CPS1: variants seen among roughly 807,000 people sequenced by gnomAD.
The protein encoded by CPS1 is carbamoyl-phosphate synthase 1.
In CPS1, 109 loss-of-function variants were observed where a neutral mutation model predicts 174.6. The ratio of observed to expected loss-of-function variants is 0.62; its 90% CI spans 0.53 to 0.73. The LOEUF (loss-of-function observed/expected upper bound fraction) is 0.73. CPS1 is among the 30% of genes least tolerant of loss of function. CPS1 has a pLI of 0.00. For missense variants in CPS1, 1,689 were observed against 1,821.9 expected (o/e 0.93, Z 1.33); for synonymous variants, 637 against 632.0 (o/e 1.01, Z -0.12).
At chr2:210,635,042 C>G (rs1700002154) in intron 21 of CPS1, among the ~76,000 whole-genome samples, 1 of 152,146 alleles carries the variant, frequency 6.6e-6, no homozygotes. Flanking sequence ...CTCCTGGGTT[C>G]AAGTGATTCT....
chr2:210,650,537 A>G (rs1700529118), intron 28 of CPS1, 99 bp downstream of exon 28: 1 of 903,688 alleles, frequency 1.1e-6, no homozygotes, highest in Admixed American at 1.8e-5. Flanking sequence ...TCTTAATGCA[A>G]CCTTACTTTG....
chr2:210,540,169 A>G (rs1285351397), intron 1 of CPS1, among the ~76,000 whole-genome samples: 1 of 152,190 alleles, frequency 6.6e-6, no homozygotes, highest in Admixed American at 6.5e-5. Context: ...CTCCCTGATT[A>G]AATCTACTTG....
At chr2:210,676,598 C>T (rs1039579318) in intron 36 of CPS1, among the ~76,000 whole-genome samples, 14 of 152,068 alleles carry the variant, frequency 9.2e-5, no homozygotes, top group African/African-American at 2.9e-4. Context: ...GTAATAGCTC[C>T]GTGTTTGGGG....
intron 1 of CPS1, among the ~76,000 whole-genome samples, chr2:210,520,270 ATAGT>A (rs1162499555): frequency 6.6e-6 from 1 of 152,030 alleles, no homozygotes; most frequent in Non-Finnish European, 1.5e-5. Flanking sequence ...CAGAGTCAAG[ATAGT>A]TAATCTAGCC....
At position 210,608,540 on chromosome 2, in the gene CPS1, C is replaced by T. The variant is rs769851346; in HGVS notation, c.2372C>T (p.Ser791Phe). The change falls in exon 19 of 38, where the codon TCT becomes TTT. Residue 791 changes from serine to phenylalanine, a missense_variant. Physicochemically the swap from Ser to Phe is radical, Grantham distance 155. Transcript: ENST00000233072. ...GGAACATCTAGCCGAATTGGTAGCT[C>T]TATGAAAAGTGTAGGAGAGGTGAGT... ...FHGTSSRIGS[S>F]MKSVGEVMAI... The T allele has an allele frequency of 6.2e-7, 1 of 1,611,920 alleles. No individual in the cohort carries two copies. The highest frequency in any genetic ancestry group is 2.2e-5 in the East Asian group (1 of 44,782).
At chr2:210,637,960 A>G (rs1009643096) in intron 22 of CPS1, 117 bp downstream of exon 22, 3 of 1,154,840 alleles carry the variant, frequency 2.6e-6, no homozygotes, top group East Asian at 2.3e-5. Context: ...AGAAGTGACA[A>G]TACTCATCCG....
At chr2:210,514,881 T>G in intron 1 of CPS1, among the ~76,000 whole-genome samples, 1 of 151,520 alleles carries the variant, frequency 6.6e-6, no homozygotes, top group South Asian at 2.1e-4. Context: ...GTGCCTAGTT[T>G]GTTGAGTTTT....
chr2:210,623,199 A>C (rs1443685812), intron 21 of CPS1, among the ~76,000 whole-genome samples: 1 of 152,078 alleles, frequency 6.6e-6, no homozygotes, highest in Non-Finnish European at 1.5e-5. Context: ...CAATGCCGCT[A>C]TTTATGTTAG....
intron 26 of CPS1, 108 bp downstream of exon 26, chr2:210,648,165 A>G (rs1700440575): frequency 9.1e-7 from 1 of 1,096,444 alleles, no homozygotes; most frequent in African/African-American, 1.5e-5. Context: ...GGGCAGATAG[A>G]ATGCATACAC....
intron 21 of CPS1, chr2:210,618,401 C>A (rs573403165): frequency 6.6e-6 from 1 of 152,042 alleles, no homozygotes; most frequent in African/African-American, 2.4e-5. Flanking sequence ...TGTTTTTGAT[C>A]CAGGGAGGTT....
intron 16 of CPS1, 27 bp downstream of exon 16, chr2:210,602,357 T>G: frequency 6.2e-7 from 1 of 1,612,016 alleles, no homozygotes; most frequent in Non-Finnish European, 8.5e-7. Flanking sequence ...ACAATATTCT[T>G]ACCAACCAAA....
intron 1 of CPS1, among the ~76,000 whole-genome samples, chr2:210,505,671 A>G (rs754499574): frequency 3.9e-5 from 6 of 152,120 alleles, no homozygotes; most frequent in Non-Finnish European, 7.4e-5. Context: ...GCACCTGGAA[A>G]ATTGGGTCAC....
intron 1 of CPS1, among the ~76,000 whole-genome samples, chr2:210,517,370 T>C (rs180944207): frequency 6.6e-6 from 1 of 152,006 alleles, no homozygotes; most frequent in Non-Finnish European, 1.5e-5. Flanking sequence ...TCATGACTTA[T>C]TGTAAAGTAA....
chr2:210,642,543 G>A lies in CPS1; in HGVS notation c.3019G>A (p.Gly1007Ser). The change falls in exon 25 of 38, where the codon GGC becomes AGC. Residue 1007 changes from glycine (G) to serine (S), a missense_variant. Physicochemically the swap from Gly to Ser is moderately conservative, Grantham distance 56. Coordinates refer to ENST00000233072, the MANE Select transcript of CPS1 (RefSeq NM_001875.5). ...TAGTATCCGCACACTGCGTCAACTT[G>A]GCAAGAAGACGGTGGTGGTGAATTG... The part of the protein sequence containing the change: ...VSSIRTLRQL[G>S]KKTVVVNCNP... The A allele has an allele frequency of 6.2e-7, 1 of 1,613,998 alleles. No individual in the cohort carries two copies. The highest frequency in any genetic ancestry group is 8.5e-7 in the Non-Finnish European group (1 of 1,179,924).
At chr2:210,648,328 A>G (rs1435583674) in intron 26 of CPS1, 145 bp from the exon 27 acceptor site, 2 of 725,152 alleles carry the variant, frequency 2.8e-6, no homozygotes, top group Non-Finnish European at 4.5e-6. Flanking sequence ...TAGGAATTTT[A>G]TGTATTTCAG....
intron 8 of CPS1, 21 bp downstream of exon 8, chr2:210,590,255 A>T: frequency 1.2e-6 from 2 of 1,612,258 alleles, no homozygotes; most frequent in Non-Finnish European, 1.7e-6. Flanking sequence ...CCTTGAATTC[A>T]TGTGTATCTG....
At chr2:210,582,398 C>A (rs1427577331) in intron 5 of CPS1, among the ~76,000 whole-genome samples, 1 of 152,112 alleles carries the variant, frequency 6.6e-6, no homozygotes, top group East Asian at 1.9e-4. Context: ...GGTGTCAGCC[C>A]TAGAAGAACT....
chr2:210,570,803 T>G (rs1697454322), intron 1 of CPS1, among the ~76,000 whole-genome samples: 1 of 151,944 alleles, frequency 6.6e-6, no homozygotes, highest in Non-Finnish European at 1.5e-5. Context: ...TTTCATTACT[T>G]AGACGAGAGG....
chr2:210,657,276 A>G (rs1222488126), intron 30 of CPS1: 1 of 152,466 alleles, frequency 6.6e-6, no homozygotes, highest in East Asian at 1.9e-4. Context: ...AGTACTCAAT[A>G]TGCACTGCTA....
Sources: allele counts gnomAD v4.1 joint callset (sites outside exome capture counted in the v4.1 genomes callset), GRCh38; gene constraint gnomAD v4.1.1; transcripts MANE v1.5; gene names NCBI Gene and HGNC (gene_info 2026-07-23, HGNC 2026-07-21).